BICRAL: variants seen among roughly 807,000 people sequenced by gnomAD.
BICRAL encodes the protein BICRA like chromatin remodeling complex associated protein.
In BICRAL, 8 loss-of-function variants were observed where a neutral mutation model predicts 91.8. The ratio of observed to expected loss-of-function variants is 0.09; its 90% CI spans 0.05 to 0.16. BICRAL has a LOEUF of 0.16. Among genes scored for constraint, BICRAL ranks in the 10% least tolerant of loss-of-function variants. The probability of loss-of-function intolerance (pLI) is 1.00; values close to 1 mark genes in which losing one functional copy is unlikely to be tolerated. For synonymous variants in BICRAL, 445 were observed against 491.1 expected (o/e 0.91, Z 1.24); for missense variants, 1,038 against 1,310.9 (o/e 0.79, Z 3.21).
At chr6:42,816,844 C>A (rs1242561772) in intron 2 of BICRAL, among the ~76,000 whole-genome samples, 1 of 151,654 alleles carries the variant, frequency 6.6e-6, no homozygotes, top group Admixed American at 6.6e-5. Flanking sequence ...GAAACCCAGT[C>A]TCTACTAAAA....
chr6:42,783,588 G>A (rs1049529687), intron 1 of BICRAL, among the ~76,000 whole-genome samples: 4 of 152,168 alleles, frequency 2.6e-5, no homozygotes, highest in Admixed American at 1.3e-4. Context: ...CGGGGCTAGC[G>A]GGAGCCGAGA....
intron 1 of BICRAL, among the ~76,000 whole-genome samples, chr6:42,767,013 C>T (rs959507705): frequency 5.3e-5 from 8 of 149,640 alleles, no homozygotes; most frequent in Non-Finnish European, 1.2e-4. Context: ...GTACTCCAGC[C>T]TGGGCAACAG....
chr6:42,818,581 G>A (rs1284683326), intron 2 of BICRAL, among the ~76,000 whole-genome samples: 2 of 151,232 alleles, frequency 1.3e-5, no homozygotes, highest in Admixed American at 6.6e-5. Flanking sequence ...ACTTTATGTC[G>A]TTGACTTTGT....
At chr6:42,808,220 C>T (rs1398918838) in intron 1 of BICRAL, among the ~76,000 whole-genome samples, 3 of 151,746 alleles carry the variant, frequency 2.0e-5, no homozygotes, top group African/African-American at 7.3e-5. Flanking sequence ...CAACCTTCAC[C>T]TTCCAGGTTT....
chr6:42,848,971 G>A (rs1765099685), intron 6 of BICRAL, among the ~76,000 whole-genome samples: 1 of 152,176 alleles, frequency 6.6e-6, no homozygotes, highest in South Asian at 2.1e-4. Context: ...CACCTTGTAG[G>A]GGACATGCTG....
chr6:42,857,894 G>C (rs1765434313), intron 10 of BICRAL, among the ~76,000 whole-genome samples: 1 of 132,026 alleles, frequency 7.6e-6, no homozygotes, highest in Admixed American at 8.9e-5. Context: ...TGCAACCTCT[G>C]CCTCCCAGGT....
chr6:42,820,782 G>A (rs1474271014), intron 2 of BICRAL, among the ~76,000 whole-genome samples: 1 of 152,078 alleles, frequency 6.6e-6, no homozygotes, highest in Non-Finnish European at 1.5e-5. Flanking sequence ...TACTCACAGG[G>A]TTTGTAATCT....
intron 1 of BICRAL, among the ~76,000 whole-genome samples, chr6:42,797,044 CAAAA>C (rs1192829085): frequency 1.6e-4 from 7 of 44,290 alleles, no homozygotes; most frequent in Admixed American, 1.5e-3. Context: ...AACTCTGTCT[CAAAA>C]AAAAAAAAAA....
At chr6:42,796,230 A>C (rs1763409945) in intron 1 of BICRAL, among the ~76,000 whole-genome samples, 2 of 152,186 alleles carry the variant, frequency 1.3e-5, no homozygotes, top group African/African-American at 4.8e-5. Context: ...AGATAGGAAG[A>C]CGGGGAGTGC....
At chr6:42,862,052 C>T (rs1000595393) in intron 11 of BICRAL, among the ~76,000 whole-genome samples, 1 of 151,720 alleles carries the variant, frequency 6.6e-6, no homozygotes, top group Non-Finnish European at 1.5e-5. Flanking sequence ...AATAATTGTT[C>T]TCAGGCAGGT....
chr6:42,817,323 T>G (rs758549242), intron 2 of BICRAL, among the ~76,000 whole-genome samples: 4 of 152,116 alleles, frequency 2.6e-5, no homozygotes, highest in African/African-American at 4.8e-5. Context: ...TGCAGAGTAC[T>G]CCACTATGTA....
intron 7 of BICRAL, chr6:42,852,405 T>C (rs1765213565): frequency 1.5e-6 from 1 of 661,326 alleles, no homozygotes; most frequent in Non-Finnish European, 2.8e-6. Flanking sequence ...CTCACGCCTG[T>C]AATGCCAGCA....
At chr6:42,839,218 A>G (rs558065314) in intron 6 of BICRAL, among the ~76,000 whole-genome samples, 1 of 152,124 alleles carries the variant, frequency 6.6e-6, no homozygotes, top group Admixed American at 6.5e-5. Context: ...CAAAAAAAAG[A>G]GCTTTTTCTT....
rs563134638 is a variant in BICRAL, at chr6:42,859,160, G to A, written c.2255-1102G>A. ...AAGCCCAGCATTTTGGAAGGCCGAG[G>A]TGGGCAGATCATGAGGTCAGGAGTT... is the stretch of plus-strand genomic sequence containing the variant. On this transcript the variant is annotated intron_variant, in intron 10 of 12. Coordinates refer to ENST00000314073, the MANE Select transcript of BICRAL (RefSeq NM_001393499.1). 1.1e-4 allele frequency among the ~76,000 whole-genome samples: 17 copies of A among 152,204 alleles called. No individual in the cohort carries two copies. The South Asian group carries it at 2.9e-3, about 26-fold the overall frequency.
At chr6:42,844,762 A>G (rs1316171367) in intron 6 of BICRAL, among the ~76,000 whole-genome samples, 1 of 152,206 alleles carries the variant, frequency 6.6e-6, no homozygotes, top group African/African-American at 2.4e-5. Context: ...AAAGTAACTG[A>G]AGAGCAATAG....
chr6:42,756,528 A>G (rs1762461949), intron 1 of BICRAL, among the ~76,000 whole-genome samples: 1 of 151,958 alleles, frequency 6.6e-6, no homozygotes, highest in Non-Finnish European at 1.5e-5. Flanking sequence ...TCTTGAGCCC[A>G]GACCTGATCT....
rs143200820 is a variant in BICRAL, at chr6:42,848,582, C to T, written c.1840-3510C>T. ...AATTATGGCCGGGAGCAGTGGCTCA[C>T]GCCTATAACCCCGCACTTTAGGTGG... On this transcript the variant is annotated intron_variant, in intron 6 of 12. Transcript: ENST00000314073. Among the ~76,000 whole-genome samples, 37 of 152,294 alleles carry T rather than the reference C, an allele frequency of 2.4e-4. No individual in the cohort carries two copies. In the East Asian group the frequency reaches 6.0e-3, roughly 25 times the overall value.
intron 6 of BICRAL, among the ~76,000 whole-genome samples, chr6:42,844,336 C>T (rs1181796928): frequency 2.7e-5 from 4 of 149,948 alleles, no homozygotes; most frequent in Admixed American, 2.7e-4. Context: ...GGTGAAACCC[C>T]ATCTCTACTA....
rs567671938 is a variant in BICRAL, at chr6:42,748,083, C to T, written c.-261+1060C>T. Reference sequence around the variant, plus strand: ...CCTCCCATAGTGCCGGGATTACAGGCATGAGCCACTGTGCCTGGCCCTTTT... The same window carrying T: ...CCTCCCATAGTGCCGGGATTACAGGTATGAGCCACTGTGCCTGGCCCTTTT... On this transcript the variant is annotated intron_variant, in intron 1 of 14. Transcript: ENST00000614467. 1.8e-4 allele frequency among the ~76,000 whole-genome samples: 26 copies of T among 148,174 alleles called. 1 individual carries two copies. The South Asian group carries it at 5.1e-3, about 29-fold the overall frequency.
Sources: gnomAD v4.1 joint callset for allele counts (sites outside exome capture counted in the v4.1 genomes callset) on GRCh38, gnomAD v4.1.1 for gene constraint, MANE v1.5 for transcripts, NCBI Gene and HGNC (gene_info 2026-07-23, HGNC 2026-07-21) for gene names.